The following ADAM12 variants were observed in gnomAD, a reference collection of about 807,000 sequenced individuals.
ADAM12 encodes disintegrin and metalloproteinase domain-containing protein 12.
A neutral mutation model predicts 106.4 loss-of-function variants in ADAM12; 70 were observed. The ratio of observed to expected loss-of-function variants is 0.66; its 90% CI spans 0.54 to 0.80. The LOEUF is 0.80. Among genes scored for constraint, ADAM12 ranks in the 30% least tolerant of loss-of-function variants. ADAM12 has a pLI of 0.00. For missense variants in ADAM12, 1,010 were observed against 1,171.9 expected (o/e 0.86, Z 2.02); for synonymous variants, 420 against 433.5 (o/e 0.97, Z 0.39).
intron 11 of ADAM12, among the ~76,000 whole-genome samples, chr10:126,075,119 C>A (rs1955073961): frequency 6.6e-6 from 1 of 152,162 alleles, no homozygotes; most frequent in Non-Finnish European, 1.5e-5. Context: ...CTACCATTTC[C>A]TCTATGTAAT....
At chr10:126,030,028 C>T (rs150371893) in intron 21 of ADAM12, among the ~76,000 whole-genome samples, 9 of 152,088 alleles carry the variant, frequency 5.9e-5, no homozygotes, top group South Asian at 2.1e-4. Context: ...GCCTGTGTGA[C>T]GTAGCAAATG....
chr10:126,033,040 AACCTCT>A (rs1183120071), intron 21 of ADAM12, among the ~76,000 whole-genome samples: 1 of 152,192 alleles, frequency 6.6e-6, no homozygotes, highest in Non-Finnish European at 1.5e-5. Flanking sequence ...CCAAGAAGAA[AACCTCT>A]ACCTCTCAAA....
chr10:126,107,092 C>T (rs989922381), intron 8 of ADAM12, among the ~76,000 whole-genome samples: 1 of 152,144 alleles, frequency 6.6e-6, no homozygotes, highest in African/African-American at 2.4e-5. Context: ...AGGGCACACA[C>T]ACGTATGAAC....
chr10:126,210,141 T>C (rs1202286971), intron 3 of ADAM12, among the ~76,000 whole-genome samples: 2 of 152,214 alleles, frequency 1.3e-5, no homozygotes, highest in African/African-American at 4.8e-5. Flanking sequence ...CCCTTCCTCC[T>C]GGGCTGACCC....
intron 3 of ADAM12, among the ~76,000 whole-genome samples, chr10:126,253,074 G>A (rs1264897814): frequency 6.6e-6 from 1 of 152,176 alleles, no homozygotes; most frequent in Non-Finnish European, 1.5e-5. Flanking sequence ...TAGGACTGTG[G>A]TTCACATTCC....
intron 3 of ADAM12, among the ~76,000 whole-genome samples, chr10:126,200,979 T>C (rs918213406): frequency 6.6e-6 from 1 of 152,128 alleles, no homozygotes; most frequent in African/African-American, 2.4e-5. Flanking sequence ...GGGCAGGGCA[T>C]AAATTTCTCA....
At chr10:126,365,325 A>G (rs1200110875) in intron 1 of ADAM12, among the ~76,000 whole-genome samples, 1 of 152,180 alleles carries the variant, frequency 6.6e-6, no homozygotes, top group African/African-American at 2.4e-5. Context: ...TAAAATGCAA[A>G]TTAGAATATT....
chr10:126,016,139 C>T lies in ADAM12; in HGVS notation c.*1140G>A, dbSNP rs1425923373. The T allele has an allele frequency of 3.9e-5, 6 of 152,118 alleles. No homozygotes were observed. The highest frequency in any genetic ancestry group is 1.4e-4 in the African/African-American group (6 of 41,416). The allele number at this position is 152,118 out of a possible 1,614,324, so 9.4% of individuals were successfully genotyped here. ...TGCCCCATAGAGAAGGTTCTTTGTC[C>T]AATATCTACGAATAATGATAGCAGA... On this transcript the variant is annotated 3_prime_UTR_variant, in exon 23 of 23. Coordinates refer to ENST00000448723, the MANE Select transcript of ADAM12 (RefSeq NM_001288973.2).
At chr10:126,247,513 G>A (rs1412936756) in intron 3 of ADAM12, among the ~76,000 whole-genome samples, 1 of 152,194 alleles carries the variant, frequency 6.6e-6, no homozygotes, top group Non-Finnish European at 1.5e-5. Flanking sequence ...GAGAGAGCCT[G>A]CCATCTGTGA....
At chr10:126,269,030 T>C (rs1403460150) in intron 3 of ADAM12, among the ~76,000 whole-genome samples, 2 of 151,940 alleles carry the variant, frequency 1.3e-5, no homozygotes, top group African/African-American at 2.4e-5. Flanking sequence ...ATTTTTATGG[T>C]TATTTCTTGA....
At position 126,274,513 on chromosome 10, in the gene ADAM12, C is replaced by T. The variant is rs528876411; in HGVS notation, c.260+4402G>A. ...AAGCACAGGATTTTACATTTATCCC[C>T]ATTAAATCTCACCTTGTTAGTTTTG... On this transcript the variant is annotated intron_variant, in intron 3 of 22. Coordinates refer to ENST00000448723, the MANE Select transcript of ADAM12 (RefSeq NM_001288973.2). Among the ~76,000 whole-genome samples, 4 of 152,298 alleles carry T rather than the reference C, an allele frequency of 2.6e-5. No homozygotes were observed. The South Asian group carries it at 6.2e-4, about 24-fold the overall frequency.
intron 3 of ADAM12, among the ~76,000 whole-genome samples, chr10:126,163,537 A>T (rs7094759): frequency 0.68 from 103,637 of 151,968 alleles, 36,185 homozygotes; most frequent in African/African-American, 0.78. Context: ...ATGACCTCCA[A>T]ATTGCTTTCA....
intron 1 of ADAM12, 126 bp downstream of exon 1, chr10:126,387,932 C>T (rs181677161): frequency 1.8e-6 from 2 of 1,138,700 alleles, no homozygotes; most frequent in East Asian, 8.4e-5. Flanking sequence ...GCGCAAGCCC[C>T]GGGGCTCCGG....
At chr10:126,100,896 C>T (rs1358274702) in intron 9 of ADAM12, among the ~76,000 whole-genome samples, 176 bp downstream of exon 9, 1 of 152,178 alleles carries the variant, frequency 6.6e-6, no homozygotes, top group African/African-American at 2.4e-5. Flanking sequence ...TCCTAGCAGA[C>T]CTTCAGTTCC....
At chr10:126,338,541 C>T (rs1185540318) in intron 1 of ADAM12, among the ~76,000 whole-genome samples, 1 of 152,058 alleles carries the variant, frequency 6.6e-6, no homozygotes, top group Non-Finnish European at 1.5e-5. Flanking sequence ...CGTGAGCCAC[C>T]GCGCCCGGCC....
chr10:126,234,239 T>C (rs1958371379), intron 3 of ADAM12, among the ~76,000 whole-genome samples: 1 of 152,216 alleles, frequency 6.6e-6, no homozygotes, highest in African/African-American at 2.4e-5. Context: ...TTTTTTCTCT[T>C]GGCTTACTTG....
chr10:126,148,507 C>T (rs1326430724), intron 4 of ADAM12, among the ~76,000 whole-genome samples: 1 of 152,192 alleles, frequency 6.6e-6, no homozygotes, highest in Admixed American at 6.5e-5. Flanking sequence ...ACATTGTTCA[C>T]TCCCTGTCTT....
chr10:126,121,147 C>A lies in ADAM12; in HGVS notation c.417-2923G>T, dbSNP rs181732850. Among the ~76,000 whole-genome samples the A allele has an allele frequency of 5.0e-3, 112 of 22,404 alleles. 7 individuals are homozygous for A. The East Asian group carries it at 0.11, about 22-fold the overall frequency. 14.7% of individuals were successfully genotyped at this position (22,404 alleles called of 152,430 possible). On this transcript the variant is annotated intron_variant, in intron 5 of 22. Coordinates refer to ENST00000448723, the MANE Select transcript of ADAM12 (RefSeq NM_001288973.2). ...GTATATATACTATATACTATATATA[C>A]TATATATACTATATATACTATATAT...
chr10:126,065,034 C>A, intron 13 of ADAM12, 33 bp from the exon 14 acceptor site: 1 of 1,578,524 alleles, frequency 6.3e-7, no homozygotes, highest in Non-Finnish European at 8.6e-7. Flanking sequence ...GACACATGCA[C>A]CCGGGGAAAG....
Sources: gnomAD v4.1 joint callset for allele counts (sites outside exome capture counted in the v4.1 genomes callset) on GRCh38, gnomAD v4.1.1 for gene constraint, MANE v1.5 for transcripts, NCBI Gene and HGNC (gene_info 2026-07-23, HGNC 2026-07-21) for gene names.